The following DYNC2H1 variants were observed in gnomAD, a reference collection of about 807,000 sequenced individuals.
The protein encoded by DYNC2H1 is dynein cytoplasmic 2 heavy chain 1.
A neutral mutation model predicts 570.0 loss-of-function variants in DYNC2H1; 410 were observed. That is an observed-to-expected ratio of 0.72 (90% CI 0.66 to 0.78). The LOEUF (loss-of-function observed/expected upper bound fraction) is 0.78, where lower values mean the gene tolerates loss of function less well. DYNC2H1 is among the 30% of genes least tolerant of loss of function. DYNC2H1 has a pLI of 0.00. For missense variants in DYNC2H1, 4,865 were observed against 5,046.4 expected (o/e 0.96, Z 1.09); for synonymous variants, 1,688 against 1,677.6 (o/e 1.01, Z -0.15).
chr11:103,389,119 A>G (rs1393649131), intron 83 of DYNC2H1, among the ~76,000 whole-genome samples: 1 of 152,160 alleles, frequency 6.6e-6, no homozygotes, highest in Admixed American at 6.5e-5. Context: ...TCAGCTGTGA[A>G]TCCATCTGGT....
intron 40 of DYNC2H1, 135 bp downstream of exon 40, chr11:103,182,021 C>T: frequency 2.4e-6 from 2 of 842,042 alleles, no homozygotes; most frequent in Non-Finnish European, 1.8e-6. Flanking sequence ...GTCACTGCTA[C>T]TCCTCTGTAT....
chr11:103,281,105 A>C (rs1398162504), intron 71 of DYNC2H1, among the ~76,000 whole-genome samples: 1 of 152,004 alleles, frequency 6.6e-6, no homozygotes, highest in East Asian at 1.9e-4. Context: ...TGCAACTTTG[A>C]CTTACTTTAC....
chr11:103,162,577 G>GT (rs1861141617), intron 29 of DYNC2H1, among the ~76,000 whole-genome samples: 1 of 151,990 alleles, frequency 6.6e-6, no homozygotes, highest in Non-Finnish European at 1.5e-5. Flanking sequence ...CCTTCCTATG[G>GT]TTACGACTTT....
chr11:103,168,185 T>C (rs1038867825), intron 31 of DYNC2H1, among the ~76,000 whole-genome samples: 3 of 152,192 alleles, frequency 2.0e-5, no homozygotes, highest in Admixed American at 6.5e-5. Flanking sequence ...TTTTAGGGAC[T>C]TCTGGGTCCC....
Position 103,141,251 on chromosome 11 carries a change from A to G in DYNC2H1, c.2575-2017A>G, listed in dbSNP as rs187478871. Reference sequence around the variant, plus strand: ...CAGCTTTGTTCCGTTACTGGTGAGGAACTGCATTCCTTTGGAGGAGGAGTG... The same window carrying G: ...CAGCTTTGTTCCGTTACTGGTGAGGGACTGCATTCCTTTGGAGGAGGAGTG... On this transcript the variant is annotated intron_variant, in intron 17 of 88. Transcript: ENST00000375735. Among the ~76,000 whole-genome samples the G allele has an allele frequency of 5.4e-3, 821 of 152,278 alleles. 2 individuals carry two copies. The highest frequency in any genetic ancestry group is 0.014 in the Middle Eastern group (4 of 294).
chr11:103,239,797 A>T lies in DYNC2H1; in HGVS notation c.9819+3258A>T, dbSNP rs1177286425. 6.6e-6 allele frequency among the ~76,000 whole-genome samples: 1 copy of T among 152,208 alleles called. No homozygotes were observed. The highest frequency in any genetic ancestry group is 1.9e-4 in the East Asian group (1 of 5,202). On this transcript the variant is annotated intron_variant, in intron 63 of 88. Transcript: ENST00000375735. This position sits in a 1 kb window ranked among gnomAD's most constrained non-coding sequence, Gnocchi z 4.3. ...TCCCATTTATAAGTATTGAAAATAG[A>T]CATAACATTATAGGGTGTACTAGGT... is the stretch of plus-strand genomic sequence containing the variant.
In DYNC2H1 at chr11:103,170,920, T is replaced by C; in HGVS notation, c.5186T>C (p.Val1729Ala). ...GTGAAGTCAATGGGACGAATATTTG[T>C]TGGTTTGGTGAAGTGTGGGGCCTGG... Reference protein sequence around the residue: ...IDVKSMGRIFVGLVKCGAWGC... With the variant: ...IDVKSMGRIFAGLVKCGAWGC... Residue 1729 changes from valine to alanine, a missense_variant, in exon 34 of 89, where the codon GTT (valine) becomes GCT (alanine). Transcript: ENST00000375735. The surrounding 1 kb of genome is among the most constrained non-coding windows in gnomAD (Gnocchi z 4.8). 1 of 1,583,710 alleles carries C rather than the reference T, an allele frequency of 6.3e-7. No homozygotes were observed. Among genetic ancestry groups the C allele is most frequent in the Non-Finnish European group, 8.6e-7 (1 of 1,161,142 alleles).
At chr11:103,304,453 ATTAG>A in intron 76 of DYNC2H1, 138 bp from the exon 77 acceptor site, 1 of 895,962 alleles carries the variant, frequency 1.1e-6, no homozygotes, top group Non-Finnish European at 1.6e-6. Flanking sequence ...AATTTCTGGT[ATTAG>A]TTTGATTCTT....
chr11:103,311,952 T>C lies in DYNC2H1; in HGVS notation c.11568T>C (p.Asp3856=). 1.9e-6 allele frequency: 3 copies of C among 1,613,822 alleles called. No individual in the cohort carries two copies. The highest frequency in any genetic ancestry group is 1.3e-5 in the African/African-American group (1 of 75,050). The change falls in exon 79 of 89, where the codon GAT becomes GAC. Residue 3856 remains aspartate, a synonymous_variant. Coordinates refer to ENST00000375735, the MANE Select transcript of DYNC2H1 (RefSeq NM_001377.3). ...SWTPEQISKK[D]NTHRAHALFS... is the part of the protein sequence containing the mutation. ...CTCCTGAGCAAATTAGCAAAAAAGA[T>C]AATACACATCGAGCTCATGCTCTCT...
intron 13 of DYNC2H1, among the ~76,000 whole-genome samples, chr11:103,130,884 C>T (rs1282194659): frequency 6.6e-6 from 1 of 152,116 alleles, no homozygotes; most frequent in African/African-American, 2.4e-5. Flanking sequence ...ATAAAACTAG[C>T]ATAGGTGTAG....
At chr11:103,273,349 C>T (rs550137960) in intron 70 of DYNC2H1, among the ~76,000 whole-genome samples, 2 of 151,902 alleles carry the variant, frequency 1.3e-5, no homozygotes, top group Admixed American at 6.6e-5. Flanking sequence ...CCACCATGGG[C>T]GGCTACTTTT....
Position 103,148,477 on chromosome 11 carries a change from T to G in DYNC2H1, c.2819-13T>G. On this transcript the variant is annotated splice_polypyrimidine_tract_variant and intron_variant, in intron 19 of 88. Coordinates refer to ENST00000375735, the MANE Select transcript of DYNC2H1 (RefSeq NM_001377.3). ...ATAATTAACATTTCTTGTATTTCAA[T>G]GTTACCACTCAGCTCATTTACATGA... 1 of 1,550,544 alleles carries G rather than the reference T, an allele frequency of 6.4e-7. No individual in the cohort carries two copies. Among genetic ancestry groups the G allele is most frequent in the Non-Finnish European group, 8.7e-7 (1 of 1,147,022 alleles).
At chr11:103,226,782 A>T (rs1863817076) in intron 59 of DYNC2H1, among the ~76,000 whole-genome samples, 1 of 152,068 alleles carries the variant, frequency 6.6e-6, no homozygotes, top group East Asian at 1.9e-4. Flanking sequence ...TGTCAATAGG[A>T]TTGGTACCAA....
intron 45 of DYNC2H1, among the ~76,000 whole-genome samples, chr11:103,190,960 CTTTT>C (rs10707668): frequency 9.0e-6 from 1 of 110,542 alleles, no homozygotes; most frequent in Non-Finnish European, 1.9e-5. Flanking sequence ...GCTTTTTAGC[CTTTT>C]TTTTTTTTTT....
chr11:103,124,913 T>C (rs1858910207), intron 11 of DYNC2H1, among the ~76,000 whole-genome samples, 187 bp from the exon 12 acceptor site: 1 of 152,214 alleles, frequency 6.6e-6, no homozygotes, highest in Non-Finnish European at 1.5e-5. Flanking sequence ...TATTGCAGTT[T>C]GTTTCCAAAA....
intron 30 of DYNC2H1, among the ~76,000 whole-genome samples, chr11:103,165,496 A>C (rs1861267948): frequency 6.6e-6 from 1 of 152,208 alleles, no homozygotes. Context: ...ATACTAAGAA[A>C]TTATTTTGAA....
In DYNC2H1 at chr11:103,228,994, C is replaced by T. The variant is rs1863901073; in HGVS notation, c.9354-2266C>T. ...TTATGGCTACCTCTGCTGAGTCATGCAGGTCACCCAGGGTAGTGGGGGAAA... is the reference window on the plus strand; with the variant it reads ...TTATGGCTACCTCTGCTGAGTCATGTAGGTCACCCAGGGTAGTGGGGGAAA... On this transcript the variant is annotated intron_variant, in intron 59 of 88. Coordinates refer to ENST00000375735, the MANE Select transcript of DYNC2H1 (RefSeq NM_001377.3). The surrounding 1 kb of genome is among the most constrained non-coding windows in gnomAD (Gnocchi z 6.1). Among the ~76,000 whole-genome samples, 1 of 152,052 alleles carries T rather than the reference C, an allele frequency of 6.6e-6. No individual in the cohort carries two copies. Among genetic ancestry groups the T allele is most frequent in the South Asian group, 2.1e-4 (1 of 4,820 alleles).
intron 84 of DYNC2H1, 52 bp from the exon 85 acceptor site, chr11:103,435,891 T>C (rs1944042882): frequency 1.9e-6 from 3 of 1,567,482 alleles, no homozygotes; most frequent in Non-Finnish European, 8.7e-7. Context: ...AGTAGTCTTC[T>C]ATATGTAGTA....
At chr11:103,303,482 A>C (rs1867136855) in intron 76 of DYNC2H1, among the ~76,000 whole-genome samples, 1 of 152,094 alleles carries the variant, frequency 6.6e-6, no homozygotes, top group African/African-American at 2.4e-5. Context: ...AGCCAGGTGG[A>C]CCCAATATAA....
Sources: gnomAD v4.1 joint callset for allele counts (sites outside exome capture counted in the v4.1 genomes callset) on GRCh38, gnomAD v4.1.1 for gene constraint, Gnocchi (gnomAD v3.1) non-coding constraint, MANE v1.5 for transcripts, NCBI Gene and HGNC (gene_info 2026-07-23, HGNC 2026-07-21) for gene names.